DOK6: variants seen among roughly 807,000 people sequenced by gnomAD.
The protein encoded by DOK6 is docking protein 6, also known as downstream of tyrosine kinase 6.
A neutral mutation model predicts 44.0 loss-of-function variants in DOK6; 22 were observed. The ratio of observed to expected loss-of-function variants is 0.50; its 90% CI spans 0.36 to 0.71. The LOEUF (loss-of-function observed/expected upper bound fraction) is 0.71. Among genes scored for constraint, DOK6 ranks in the 30% least tolerant of loss-of-function variants. The pLI, the probability that DOK6 is intolerant of heterozygous loss-of-function variation, is 0.00. For missense variants in DOK6, 340 were observed against 416.4 expected (o/e 0.82, Z 1.60); for synonymous variants, 166 against 145.5 (o/e 1.14, Z -1.01).
At chr18:69,618,493 C>T (rs1162485872) in intron 3 of DOK6, 1 of 167,068 alleles carries the variant, frequency 6.0e-6, no homozygotes, top group Non-Finnish European at 1.2e-5. Context: ...CTGATAAAGA[C>T]ATACCTGAGA....
intron 7 of DOK6, among the ~76,000 whole-genome samples, chr18:69,789,571 C>T (rs1245637888): frequency 6.6e-6 from 1 of 152,014 alleles, no homozygotes; most frequent in African/African-American, 2.4e-5. Flanking sequence ...CACTGTACTC[C>T]TTTTTATAGT....
chr18:69,834,797 G>A (rs1467747877), intron 7 of DOK6, among the ~76,000 whole-genome samples: 1 of 152,152 alleles, frequency 6.6e-6, no homozygotes, highest in African/African-American at 2.4e-5. Context: ...TAGATACTCT[G>A]TATGTATTAG....
chr18:69,652,589 TA>T (rs1261442127), intron 3 of DOK6, among the ~76,000 whole-genome samples: 1 of 152,224 alleles, frequency 6.6e-6, no homozygotes, highest in East Asian at 1.9e-4. Flanking sequence ...CACACGCCTC[TA>T]AGCTGCTTTT....
intron 3 of DOK6, among the ~76,000 whole-genome samples, chr18:69,608,504 T>C (rs1276400010): frequency 6.6e-6 from 1 of 152,218 alleles, no homozygotes; most frequent in African/African-American, 2.4e-5. Context: ...TGTGGCTCCA[T>C]ATGAATTGTA....
At chr18:69,533,819 T>C (rs893281346) in intron 1 of DOK6, among the ~76,000 whole-genome samples, 3 of 152,192 alleles carry the variant, frequency 2.0e-5, no homozygotes, top group South Asian at 2.1e-4. Context: ...AATTGTTACA[T>C]TGGATTTTAA....
At chr18:69,555,918 C>T (rs759756797) in intron 1 of DOK6, among the ~76,000 whole-genome samples, 2 of 152,128 alleles carry the variant, frequency 1.3e-5, no homozygotes, top group African/African-American at 2.4e-5. Context: ...GTGGCCTTGT[C>T]GGTTTTTGTC....
At chr18:69,703,849 G>A (rs1457923700) in intron 5 of DOK6, among the ~76,000 whole-genome samples, 1 of 152,176 alleles carries the variant, frequency 6.6e-6, no homozygotes, top group African/African-American at 2.4e-5. Flanking sequence ...AGAGATGATA[G>A]GTCCTTTATA....
chr18:69,764,971 G>A (rs1254875417), intron 7 of DOK6, among the ~76,000 whole-genome samples: 5 of 152,122 alleles, frequency 3.3e-5, no homozygotes, highest in African/African-American at 7.2e-5. Flanking sequence ...GGCATTTGAC[G>A]CTCACGGAAA....
chr18:69,721,885 T>G (rs1194284024), intron 5 of DOK6, among the ~76,000 whole-genome samples: 1 of 152,242 alleles, frequency 6.6e-6, no homozygotes. Flanking sequence ...CATTGAAAGT[T>G]TATTCTCCGT....
chr18:69,717,943 A>T (rs1243723668), intron 5 of DOK6, among the ~76,000 whole-genome samples: 7 of 152,250 alleles, frequency 4.6e-5, no homozygotes, highest in Admixed American at 6.5e-5. Context: ...AAAGAATCGG[A>T]ATATAGAAAA....
chr18:69,649,055 T>C (rs1000505696), intron 3 of DOK6, among the ~76,000 whole-genome samples: 21 of 152,174 alleles, frequency 1.4e-4, no homozygotes, highest in Admixed American at 1.4e-3. Context: ...AGCAAAGAAG[T>C]GTTCTTGACT....
chr18:69,539,104 C>G (rs969943498), intron 1 of DOK6, among the ~76,000 whole-genome samples: 4 of 152,138 alleles, frequency 2.6e-5, no homozygotes, highest in African/African-American at 9.7e-5. Context: ...CTGCCTTAGG[C>G]TTTTTCTTAT....
At chr18:69,698,329 C>T (rs933597861) in intron 4 of DOK6, 75 bp from the exon 5 acceptor site, 6 of 1,373,212 alleles carry the variant, frequency 4.4e-6, no homozygotes, top group Admixed American at 2.2e-5. Context: ...TGTAGATAAA[C>T]AAATTAATAT....
chr18:69,702,936 G>A (rs144491548), intron 5 of DOK6, among the ~76,000 whole-genome samples: 2 of 152,212 alleles, frequency 1.3e-5, no homozygotes, highest in East Asian at 3.9e-4. Flanking sequence ...GTATGTGTGG[G>A]TTCAATAAAA....
chr18:69,532,193 A>G (rs1002509909), intron 1 of DOK6, among the ~76,000 whole-genome samples: 2 of 152,178 alleles, frequency 1.3e-5, no homozygotes, highest in African/African-American at 4.8e-5. Flanking sequence ...GTGTTCTGCT[A>G]CGGCAGCCTG....
chr18:69,560,322 G>A (rs1381723697), intron 1 of DOK6, among the ~76,000 whole-genome samples: 1 of 152,156 alleles, frequency 6.6e-6, no homozygotes, highest in African/African-American at 2.4e-5. Context: ...TAAAGACTGA[G>A]TGAAGTGATT....
chr18:69,616,036 G>A (rs890906235), intron 3 of DOK6, among the ~76,000 whole-genome samples: 2 of 152,160 alleles, frequency 1.3e-5, no homozygotes, highest in Non-Finnish European at 2.9e-5. Flanking sequence ...TTTAAGGATA[G>A]ACAATACAGT....
rs1469230114 is a variant in DOK6 at position 69,454,763 on chromosome 18, C to A, written c.66+53453C>A. ...GATGAGTTCATGTCCTTTGTAGGGACATGGATGAAATTGGAAATCATCATT... is the reference window on the plus strand; with the variant it reads ...GATGAGTTCATGTCCTTTGTAGGGAAATGGATGAAATTGGAAATCATCATT... On this transcript the variant is annotated intron_variant, in intron 1 of 7. Coordinates refer to ENST00000382713, the MANE Select transcript of DOK6 (RefSeq NM_152721.6). 4.2e-5 allele frequency among the ~76,000 whole-genome samples: 6 copies of A among 141,988 alleles called. No individual in the cohort carries two copies. The Admixed American group carries it at 4.3e-4, about 10-fold the overall frequency. 93.1% of individuals were successfully genotyped at this position (141,988 alleles called of 152,430 possible).
intron 3 of DOK6, among the ~76,000 whole-genome samples, chr18:69,676,122 T>C (rs1457644856): frequency 6.6e-6 from 1 of 152,204 alleles, no homozygotes; most frequent in Non-Finnish European, 1.5e-5. Flanking sequence ...ATCCTTGACA[T>C]AGTTTGATAG....
Sources: allele counts gnomAD v4.1 joint callset (sites outside exome capture counted in the v4.1 genomes callset), GRCh38; gene constraint gnomAD v4.1.1; transcripts MANE v1.5; gene names NCBI Gene and HGNC (gene_info 2026-07-23, HGNC 2026-07-21).